PDE4D: variants seen among roughly 807,000 people sequenced by gnomAD.
PDE4D encodes the protein phosphodiesterase 4D, also known as 3',5'-cyclic-AMP phosphodiesterase 4D.
In PDE4D, 24 loss-of-function variants were observed where a neutral mutation model predicts 87.4. The ratio of observed to expected loss-of-function variants is 0.27; its 90% CI spans 0.20 to 0.39. The LOEUF is 0.39. PDE4D is among the 10% of genes least tolerant of loss of function. The probability of loss-of-function intolerance (pLI) is 1.00; values close to 1 mark genes in which losing one functional copy is unlikely to be tolerated. For synonymous variants in PDE4D, 384 were observed against 383.2 expected, an observed-to-expected ratio of 1.00 and a Z score of -0.02; for missense variants, 714 against 1,041.0, an observed-to-expected ratio of 0.69 and a Z score of 4.32.
Position 60,092,099 on chromosome 5 carries a change from C to T in PDE4D, c.42+93458G>A, listed in dbSNP as rs942418378. Among the ~76,000 whole-genome samples, 9 of 126,210 alleles carry T rather than the reference C, an allele frequency of 7.1e-5. No homozygotes were observed. The Admixed American group carries it at 7.2e-4, about 10-fold the overall frequency. The allele number at this position is 126,210 out of a possible 152,430, so 82.8% of individuals were successfully genotyped here. A position where few individuals can be genotyped will look rare whatever the true frequency, so the allele number is the denominator to read the frequency against. On this transcript the variant is annotated intron_variant, in intron 2 of 16. Transcript: ENST00000502484. ...AAAAAGAAAATGTGAAATATATACA[C>T]AATATAGTATTATTCAGCCATAAAA...
At chr5:59,226,038 T>C (rs1030823453) in intron 1 of PDE4D, among the ~76,000 whole-genome samples, 13 of 151,672 alleles carry the variant, frequency 8.6e-5, no homozygotes, top group Admixed American at 3.3e-4. Flanking sequence ...GGAATCCTTA[T>C]GTACTGATGG....
chr5:59,872,957 A>G (rs1748044272), intron 1 of PDE4D, among the ~76,000 whole-genome samples: 1 of 152,114 alleles, frequency 6.6e-6, no homozygotes, highest in African/African-American at 2.4e-5. Flanking sequence ...TAGAGACTGC[A>G]TGTCTTCATC....
At chr5:59,493,903 A>G (rs145975765) in intron 1 of PDE4D, among the ~76,000 whole-genome samples, 7 of 152,352 alleles carry the variant, frequency 4.6e-5, no homozygotes, top group Non-Finnish European at 1.0e-4. Flanking sequence ...TGAGCATAAA[A>G]CAGTGATCTA....
intron 2 of PDE4D, among the ~76,000 whole-genome samples, chr5:59,206,171 G>A (rs545478276): frequency 1.1e-4 from 16 of 151,586 alleles, no homozygotes; most frequent in Non-Finnish European, 1.6e-4. Context: ...GTAGGCAGAC[G>A]GAATAATTGG....
At chr5:59,851,554 C>A (rs1744664176) in intron 1 of PDE4D, among the ~76,000 whole-genome samples, 1 of 151,926 alleles carries the variant, frequency 6.6e-6, no homozygotes, top group Non-Finnish European at 1.5e-5. Flanking sequence ...CTACGAGATA[C>A]CACTCCTTTG....
At chr5:60,303,126 G>C (rs1754077242) in intron 1 of PDE4D, among the ~76,000 whole-genome samples, 1 of 152,078 alleles carries the variant, frequency 6.6e-6, no homozygotes, top group Admixed American at 6.5e-5. Context: ...ACCGTGCCCA[G>C]CCTAAATTTC....
chr5:60,365,423 T>A (rs529365240), intron 1 of PDE4D, among the ~76,000 whole-genome samples: 2 of 152,104 alleles, frequency 1.3e-5, no homozygotes, highest in African/African-American at 2.4e-5. Flanking sequence ...TCCCTATAAA[T>A]AGGGAAATAC....
chr5:59,115,542 T>C (rs1223894447), intron 5 of PDE4D, among the ~76,000 whole-genome samples: 1 of 152,210 alleles, frequency 6.6e-6, no homozygotes, highest in Non-Finnish European at 1.5e-5. Context: ...CACTAAAATA[T>C]GAACATACAT....
chr5:59,988,455 T>C (rs370422106), intron 3 of PDE4D: 4 of 1,392,574 alleles, frequency 2.9e-6, no homozygotes, highest in South Asian at 1.3e-5. Flanking sequence ...ATCTAAAATA[T>C]AAAATGGGGA....
At chr5:59,255,265 G>A (rs1760752759) in intron 1 of PDE4D, among the ~76,000 whole-genome samples, 1 of 152,056 alleles carries the variant, frequency 6.6e-6, no homozygotes, top group South Asian at 2.1e-4. Flanking sequence ...CAACATGAAT[G>A]AGACTTGAAA....
intron 5 of PDE4D, chr5:59,040,119 T>C (rs748683078): frequency 1.3e-5 from 2 of 152,272 alleles, no homozygotes; most frequent in Non-Finnish European, 2.9e-5. Context: ...TTAGGGTTTC[T>C]GGGGGTTCGT....
chr5:59,227,144 A>G (rs1753963109), intron 1 of PDE4D, among the ~76,000 whole-genome samples: 1 of 152,170 alleles, frequency 6.6e-6, no homozygotes, highest in African/African-American at 2.4e-5. Context: ...ATCACTTCTA[A>G]GATGCTATAT....
At chr5:60,228,290 G>A (rs1008239887) in intron 1 of PDE4D, among the ~76,000 whole-genome samples, 2 of 151,978 alleles carry the variant, frequency 1.3e-5, no homozygotes, top group Non-Finnish European at 2.9e-5. Flanking sequence ...TGCAAATCAA[G>A]GTCATGTCTG....
At chr5:59,261,124 G>A (rs923823578) in intron 1 of PDE4D, among the ~76,000 whole-genome samples, 7 of 151,832 alleles carry the variant, frequency 4.6e-5, no homozygotes, top group African/African-American at 1.7e-4. Flanking sequence ...TTGATATTTT[G>A]TTGTAAACAG....
intron 1 of PDE4D, chr5:60,431,177 C>T (rs1744241901): frequency 5.1e-6 from 1 of 197,666 alleles, no homozygotes; most frequent in Non-Finnish European, 1.0e-5. Context: ...GGGGCTGACC[C>T]CCCCACCTCC....
At chr5:59,282,372 G>A (rs1342174119) in intron 1 of PDE4D, among the ~76,000 whole-genome samples, 4 of 152,122 alleles carry the variant, frequency 2.6e-5, no homozygotes, top group East Asian at 1.9e-4. Flanking sequence ...TGCGCGCGGT[G>A]GCTCATGCCT....
intron 2 of PDE4D, among the ~76,000 whole-genome samples, chr5:60,115,517 G>A (rs1196950199): frequency 6.6e-6 from 1 of 151,934 alleles, no homozygotes; most frequent in Non-Finnish European, 1.5e-5. Context: ...CCAGATACAG[G>A]GCAAAGAACT....
intron 1 of PDE4D, among the ~76,000 whole-genome samples, chr5:59,707,142 T>A (rs956350844): frequency 1.3e-5 from 2 of 152,202 alleles, no homozygotes; most frequent in Admixed American, 6.6e-5. Flanking sequence ...TACGTCTTCT[T>A]AGCTGTACAC....
chr5:60,274,344 T>C (rs1380624779), intron 1 of PDE4D, among the ~76,000 whole-genome samples: 1 of 145,046 alleles, frequency 6.9e-6, no homozygotes, highest in Non-Finnish European at 1.5e-5. Context: ...CTTGTCGTTG[T>C]TGTTGTTGTT....
Sources: gnomAD v4.1 joint callset for allele counts (sites outside exome capture counted in the v4.1 genomes callset) on GRCh38, gnomAD v4.1.1 for gene constraint, MANE v1.5 for transcripts, NCBI Gene and HGNC (gene_info 2026-07-23, HGNC 2026-07-21) for gene names.